The following BACH2 variants were observed in gnomAD, a reference collection of about 807,000 sequenced individuals.
The protein encoded by BACH2 is BACH transcriptional regulator 2.
BACH2 carries 5 observed loss-of-function variants against 61.8 expected under a neutral mutation model. The observed-to-expected ratio is 0.08, with a 90% CI of 0.04 to 0.17. The LOEUF is 0.17. Ranked by LOEUF, BACH2 falls within the 10% of genes least tolerant of loss-of-function variation. The probability of loss-of-function intolerance (pLI) is 1.00; values close to 1 mark genes in which losing one functional copy is unlikely to be tolerated. For synonymous variants in BACH2, 446 were observed against 440.1 expected (o/e 1.01, Z -0.17); for missense variants, 824 against 1,091.1 (o/e 0.76, Z 3.45).
At chr6:90,082,139 A>G (rs1259156299) in intron 5 of BACH2, among the ~76,000 whole-genome samples, 1 of 152,208 alleles carries the variant, frequency 6.6e-6, no homozygotes, top group Non-Finnish European at 1.5e-5. Flanking sequence ...TGAATGCGGA[A>G]TGGGAAGATC....
At chr6:90,267,735 G>A (rs1362654582) in intron 2 of BACH2, among the ~76,000 whole-genome samples, 1 of 152,034 alleles carries the variant, frequency 6.6e-6, no homozygotes, top group Admixed American at 6.6e-5. Flanking sequence ...TATTTGATAA[G>A]GATAAATGTT....
chr6:90,213,466 C>T (rs1769425678), intron 3 of BACH2, among the ~76,000 whole-genome samples: 1 of 152,166 alleles, frequency 6.6e-6, no homozygotes, highest in South Asian at 2.1e-4. Context: ...CTACCTGCCT[C>T]TTGGCCCCTC....
intron 5 of BACH2, among the ~76,000 whole-genome samples, chr6:90,019,317 A>G (rs1778252567): frequency 6.6e-6 from 1 of 152,236 alleles, no homozygotes. Flanking sequence ...AAACAAAGCC[A>G]TAAATTCTTT....
chr6:90,222,051 T>C (rs1769752332), intron 3 of BACH2, among the ~76,000 whole-genome samples: 1 of 152,210 alleles, frequency 6.6e-6, no homozygotes, highest in Non-Finnish European at 1.5e-5. Context: ...AAAAAAGTAT[T>C]ATTTTAACAT....
intron 4 of BACH2, among the ~76,000 whole-genome samples, chr6:90,172,927 A>G (rs949522588): frequency 6.6e-6 from 1 of 152,128 alleles, no homozygotes; most frequent in African/African-American, 2.4e-5. Flanking sequence ...ATGGCATGTT[A>G]GGCTGAAAAA....
intron 3 of BACH2, among the ~76,000 whole-genome samples, chr6:90,218,510 T>TG (rs1242636739): frequency 6.6e-6 from 1 of 151,484 alleles, no homozygotes; most frequent in African/African-American, 2.4e-5. Context: ...TTCTTTCTTT[T>TG]TTTTTTTTTT....
At position 90,271,715 on chromosome 6, in the gene BACH2, A is replaced by G. The variant is rs1053936364; in HGVS notation, c.-353+134T>C. On this transcript the variant is annotated intron_variant, in intron 2 of 8. Transcript: ENST00000257749. Reference sequence around the variant, plus strand: ...CCATCTTACTCCTGTAAGAACGGACATAACTGAAAAACAAAAAATAATAGA... The same window carrying G: ...CCATCTTACTCCTGTAAGAACGGACGTAACTGAAAAACAAAAAATAATAGA... The G allele has an allele frequency of 6.6e-5, 10 of 152,378 alleles. No individual in the cohort carries two copies. In the East Asian group the frequency reaches 1.9e-3, roughly 29 times the overall value. 9.4% of individuals were successfully genotyped at this position (152,378 alleles called of 1,614,324 possible). A position where few individuals can be genotyped will look rare whatever the true frequency, so the allele number is the denominator to read the frequency against.
chr6:90,026,521 G>A (rs916277768), intron 5 of BACH2, among the ~76,000 whole-genome samples: 1 of 152,140 alleles, frequency 6.6e-6, no homozygotes, highest in Middle Eastern at 3.2e-3. Context: ...ACCTGCCAAA[G>A]TTAGATTCAT....
chr6:90,003,480 C>T (rs1777241357), intron 6 of BACH2, among the ~76,000 whole-genome samples: 1 of 152,206 alleles, frequency 6.6e-6, no homozygotes, highest in Non-Finnish European at 1.5e-5. Context: ...TGGCATCTAA[C>T]AAAGTATATT....
intron 4 of BACH2, among the ~76,000 whole-genome samples, chr6:90,099,275 G>C (rs1782515138): frequency 6.6e-6 from 1 of 152,202 alleles, no homozygotes; most frequent in Non-Finnish European, 1.5e-5. Flanking sequence ...TAAAGTCAGA[G>C]AGACCCAGGT....
chr6:90,139,008 G>A (rs1245984917), intron 4 of BACH2, among the ~76,000 whole-genome samples: 1 of 152,096 alleles, frequency 6.6e-6, no homozygotes, highest in African/African-American at 2.4e-5. Context: ...TGTCCTTTCC[G>A]CCTCATCATC....
At chr6:90,238,701 A>C (rs1770338061) in intron 3 of BACH2, among the ~76,000 whole-genome samples, 1 of 152,228 alleles carries the variant, frequency 6.6e-6, no homozygotes. Context: ...AGCTGCTAAT[A>C]TTCTGCAGGC....
chr6:90,073,699 C>T lies in BACH2; in HGVS notation c.-13+15262G>A, dbSNP rs1055084403. ...GAAATCTCTGCATTTTTCTGCCTTGCTGAGGTCTGAAAATATAACAAGTTT... is the reference window on the plus strand; with the variant it reads ...GAAATCTCTGCATTTTTCTGCCTTGTTGAGGTCTGAAAATATAACAAGTTT... On this transcript the variant is annotated intron_variant, in intron 5 of 8. Transcript: ENST00000257749. Among the ~76,000 whole-genome samples, 12 of 152,076 alleles carry T rather than the reference C, an allele frequency of 7.9e-5. 1 individual carries two copies. The highest frequency in any genetic ancestry group is 2.7e-4 in the African/African-American group (11 of 41,406).
intron 5 of BACH2, among the ~76,000 whole-genome samples, chr6:90,085,789 G>A (rs1055693000): frequency 1.3e-5 from 2 of 152,084 alleles, no homozygotes; most frequent in Non-Finnish European, 2.9e-5. Flanking sequence ...ATTCTGCACA[G>A]CACTCTTAGG....
intron 6 of BACH2, among the ~76,000 whole-genome samples, chr6:89,995,626 G>A (rs1244350705): frequency 1.3e-5 from 2 of 152,134 alleles, no homozygotes; most frequent in Non-Finnish European, 1.5e-5. Context: ...TAATAATAGT[G>A]TCCATCAAAC....
At chr6:90,079,867 A>C (rs1457136081) in intron 5 of BACH2, among the ~76,000 whole-genome samples, 1 of 152,172 alleles carries the variant, frequency 6.6e-6, no homozygotes, top group African/African-American at 2.4e-5. Flanking sequence ...AAGGGATGCA[A>C]AGTGGCTAAA....
intron 4 of BACH2, among the ~76,000 whole-genome samples, chr6:90,117,877 G>A (rs144784384): frequency 1.0e-3 from 154 of 152,196 alleles, no homozygotes; most frequent in African/African-American, 3.5e-3. Flanking sequence ...CGTACCAAGC[G>A]AGAATAAACT....
chr6:89,948,145 G>A (rs1773857532), intron 7 of BACH2, among the ~76,000 whole-genome samples: 1 of 152,132 alleles, frequency 6.6e-6, no homozygotes, highest in Non-Finnish European at 1.5e-5. Context: ...ATCTGAAACT[G>A]ACAGTTCTTT....
intron 5 of BACH2, among the ~76,000 whole-genome samples, chr6:90,019,035 C>A (rs1259037268): frequency 1.3e-5 from 2 of 152,018 alleles, no homozygotes; most frequent in East Asian, 3.9e-4. Flanking sequence ...GATTTGTTTT[C>A]TCCATTCTTA....
Sources: allele counts gnomAD v4.1 joint callset (sites outside exome capture counted in the v4.1 genomes callset), GRCh38; gene constraint gnomAD v4.1.1; transcripts MANE v1.5; gene names NCBI Gene and HGNC (gene_info 2026-07-23, HGNC 2026-07-21).